POTEM: variants seen among roughly 807,000 people sequenced by gnomAD.
POTEM encodes the protein POTE ankyrin domain family member M.
For synonymous variants in POTEM, 8 were observed against 113.2 expected (o/e 0.07, Z 5.90); for missense variants, 24 against 343.0 (o/e 0.07, Z 7.35).
intron 1 of POTEM, among the ~76,000 whole-genome samples, chr14:18,968,259 C>T (rs71223944): frequency 0.074 from 8,272 of 112,472 alleles, no homozygotes; most frequent in Non-Finnish European, 0.087. Flanking sequence ...AGTGATTTAA[C>T]TCGCAACATT....
rs1258637830 is a variant in POTEM, at chr14:18,985,475, G to GC, written c.1193dup (p.Glu399ArgfsTer11). On this transcript the variant is annotated frameshift_variant, in exon 7 of 11. Transcript: ENST00000547889. LOFTEE classifies it high-confidence loss of function. ...GGCTTAAAGGAAGTGAAAATAGCCA[G>GC]CCAGAGGCATGGAAACTCTTAAATT... 1 of 1,326,668 alleles carries GC rather than the reference G, an allele frequency of 7.5e-7. No individual in the cohort carries two copies. The highest frequency in any genetic ancestry group is 2.1e-5 in the African/African-American group (1 of 48,656). 82.2% of individuals were successfully genotyped at this position (1,326,668 alleles called of 1,614,324 possible). A position where few individuals can be genotyped will look rare whatever the true frequency, so the allele number is the denominator to read the frequency against.
chr14:18,968,302 T>C (rs1349492121), intron 1 of POTEM, among the ~76,000 whole-genome samples: 6 of 152,252 alleles, frequency 3.9e-5, no homozygotes, highest in Non-Finnish European at 4.4e-5. Context: ...AATGTACAGA[T>C]TTTAAAACAA....
At chr14:18,968,996 GTTAT>G (rs1399748831) in intron 1 of POTEM, among the ~76,000 whole-genome samples, 2 of 150,462 alleles carry the variant, frequency 1.3e-5, no homozygotes, top group Admixed American at 6.6e-5. Flanking sequence ...AAATGTGCAT[GTTAT>G]TTATTTCCAC....
At chr14:18,986,166 C>G in intron 7 of POTEM, among the ~76,000 whole-genome samples, 1 of 144,498 alleles carries the variant, frequency 6.9e-6, no homozygotes, top group Middle Eastern at 3.4e-3. Context: ...TTTACAACAC[C>G]CTAACATGAT....
rs1210890735 is a variant in POTEM, at chr14:19,000,443, TGATCA to T, written c.*1780_*1784del. 5.0e-5 allele frequency among the ~76,000 whole-genome samples: 7 copies of T among 141,250 alleles called. No homozygotes were observed. The highest frequency in any genetic ancestry group is 4.2e-4 in the Admixed American group (6 of 14,378). The allele number at this position is 141,250 out of a possible 152,430, so 92.7% of individuals were successfully genotyped here. Reference sequence around the variant, plus strand: ...CTTTTTAATTTTGTTTTATTTAGAATGATCAGCCTTCGCGGCCCCCCTTTTTTGTA... The same window carrying T: ...CTTTTTAATTTTGTTTTATTTAGAATGCCTTCGCGGCCCCCCTTTTTTGTA... On this transcript the variant is annotated 3_prime_UTR_variant, in exon 11 of 11. Coordinates refer to ENST00000547889, the MANE Select transcript of POTEM (RefSeq NM_001145442.1).
intron 1 of POTEM, among the ~76,000 whole-genome samples, chr14:18,969,798 A>G (rs1189817785): frequency 3.5e-3 from 7 of 1,992 alleles, no homozygotes; most frequent in African/African-American, 0.026. Context: ...AGGAATTTAA[A>G]TTAGAAGAGG....
intron 9 of POTEM, among the ~76,000 whole-genome samples, chr14:18,994,747 A>C: frequency 1.7e-5 from 1 of 59,010 alleles, no homozygotes; most frequent in Non-Finnish European, 3.4e-5. Flanking sequence ...TTCTTTGAGA[A>C]CTCTCCATAC....
chr14:18,967,975 A>G lies in POTEM; in HGVS notation c.490A>G (p.Thr164Ala), dbSNP rs781586597. 6.8e-7 allele frequency: 1 copy of G among 1,459,928 alleles called. No individual in the cohort carries two copies. Among genetic ancestry groups the G allele is most frequent in the Non-Finnish European group, 9.5e-7 (1 of 1,052,796 alleles). 90.4% of individuals were successfully genotyped at this position (1,459,928 alleles called of 1,614,324 possible). The change falls in exon 1 of 11, where the codon ACT (threonine) becomes GCT (alanine). Residue 164 changes from threonine (T) to alanine (A), a missense_variant. Thr to Ala is a moderately conservative substitution (Grantham distance 58, BLOSUM62 0). Coordinates refer to ENST00000547889, the MANE Select transcript of POTEM (RefSeq NM_001145442.1). ...RKDLIVMLKD[T>A]DMNKKDKQKR... is the part of the protein sequence containing the mutation. ...GGATCTCATCGTCATGCTCAAGGAC[A>G]CTGACATGAACAAGAAGGACAAGCA...
chr14:18,969,241 A>G (rs1407770760), intron 1 of POTEM, among the ~76,000 whole-genome samples: 4 of 133,672 alleles, frequency 3.0e-5, no homozygotes, highest in Non-Finnish European at 3.1e-5. Flanking sequence ...GAAACATACC[A>G]GAAGAAAACA....
At chr14:18,991,207 A>G (rs1891242966) in intron 9 of POTEM, among the ~76,000 whole-genome samples, 1 of 120,526 alleles carries the variant, frequency 8.3e-6, no homozygotes, top group South Asian at 2.6e-4. Flanking sequence ...TCTACTGTAT[A>G]TATGCTAGTG....
chr14:18,967,641 T>G lies in POTEM; in HGVS notation c.156T>G (p.Ser52=), dbSNP rs751786167. 1 of 1,283,154 alleles carries G rather than the reference T, an allele frequency of 7.8e-7. No individual in the cohort carries two copies. The highest frequency in any genetic ancestry group is 2.8e-5 in the East Asian group (1 of 35,744). 79.5% of individuals were successfully genotyped at this position (1,283,154 alleles called of 1,614,324 possible). Residue 52 remains serine (S), a synonymous_variant, in exon 1 of 11, where the codon TCT becomes TCG. Coordinates refer to ENST00000547889, the MANE Select transcript of POTEM (RefSeq NM_001145442.1). ...GCACTTCTGGAGACCACGATGATTC[T>G]GCTATGAAGACACTCAGGAGCAAGA... ...NVGTSGDHDD[S]AMKTLRSKMG...
chr14:18,969,306 CGTATATATATGTAT>C (rs1890844537), intron 1 of POTEM, among the ~76,000 whole-genome samples: 1 of 45,592 alleles, frequency 2.2e-5, no homozygotes, highest in African/African-American at 1.0e-4. Context: ...TATGTATATA[CGTATATATATGTAT>C]ATATATATAT....
At chr14:18,985,868 C>T (rs147552923) in intron 7 of POTEM, among the ~76,000 whole-genome samples, 4,158 of 111,160 alleles carry the variant, frequency 0.037, 1 homozygote, top group Middle Eastern at 0.057. Flanking sequence ...TCTGCCACTA[C>T]GCTCCAGCCT....
intron 6 of POTEM, among the ~76,000 whole-genome samples, chr14:18,982,797 A>T (rs1165992747): frequency 1.5e-4 from 6 of 40,734 alleles, no homozygotes; most frequent in East Asian, 4.3e-4. Context: ...TGTTTAGCTT[A>T]ATTTTTTTCC....
rs201392796 is a variant in POTEM, at chr14:18,969,357, GTATA to G, written c.521+1370_521+1373del. On this transcript the variant is annotated intron_variant, in intron 1 of 10. Coordinates refer to ENST00000547889, the MANE Select transcript of POTEM (RefSeq NM_001145442.1). ...TACGTATATACATATATATACATGT[GTATA>G]TATATATATATATATATACACAAAA... Among the ~76,000 whole-genome samples the G allele has an allele frequency of 5.6e-3, 589 of 105,334 alleles. 14 individuals carry two copies. Among genetic ancestry groups the G allele is most frequent in the African/African-American group, 0.022 (514 of 23,272 alleles). The allele number at this position is 105,334 out of a possible 152,430, so 69.1% of individuals were successfully genotyped here.
chr14:18,985,906 A>G (rs112143147), intron 7 of POTEM, among the ~76,000 whole-genome samples: 14 of 17,914 alleles, frequency 7.8e-4, no homozygotes, highest in African/African-American at 2.4e-3. Flanking sequence ...TCTGTGTCAA[A>G]AAAAAAAAAA....
chr14:18,980,308 A>AT, intron 6 of POTEM, 164 bp downstream of exon 6: 2 of 421,402 alleles, frequency 4.7e-6, no homozygotes, highest in East Asian at 7.8e-5. Context: ...TTATATTATT[A>AT]TTACATTGTA....
In POTEM at chr14:18,967,674, GTGGTGCCGCCACTGCTTCCCC is replaced by G. The variant is rs1890787586; in HGVS notation, c.196_216del (p.His67_Arg73del). ...AGACACTCAGGAGCAAGATGGGCAAGTGGTGCCGCCACTGCTTCCCCTGGTGCAGGGGGAGCGGCAAGAGCA... is the reference window on the plus strand; with the variant it reads ...AGACACTCAGGAGCAAGATGGGCAAGTGGTGCAGGGGGAGCGGCAAGAGCA... On this transcript the variant is annotated inframe_deletion, in exon 1 of 11. Coordinates refer to ENST00000547889, the MANE Select transcript of POTEM (RefSeq NM_001145442.1). 6.2e-7 allele frequency: 1 copy of G among 1,603,998 alleles called. No homozygotes were observed. The highest frequency in any genetic ancestry group is 2.3e-5 in the East Asian group (1 of 44,418).
Position 19,000,574 on chromosome 14 carries a change from GC to G in POTEM, c.*1910del, listed in dbSNP as rs1360801277. On this transcript the variant is annotated 3_prime_UTR_variant, in exon 11 of 11. Coordinates refer to ENST00000547889, the MANE Select transcript of POTEM (RefSeq NM_001145442.1). ...GACTTAAGGAGAGTTGGAAAAAAGTGCACACCTTAAAAAAAATTCAATGAGG... is the reference window on the plus strand; with the variant it reads ...GACTTAAGGAGAGTTGGAAAAAAGTGACACCTTAAAAAAAATTCAATGAGG... Among the ~76,000 whole-genome samples, 2 of 84,662 alleles carry G rather than the reference GC, an allele frequency of 2.4e-5. No homozygotes were observed. The highest frequency in any genetic ancestry group is 4.2e-5 in the Non-Finnish European group (2 of 47,822). 55.5% of individuals were successfully genotyped at this position (84,662 alleles called of 152,430 possible).
Sources: allele counts gnomAD v4.1 joint callset (sites outside exome capture counted in the v4.1 genomes callset), GRCh38; gene constraint gnomAD v4.1.1; transcripts MANE v1.5; gene names NCBI Gene and HGNC (gene_info 2026-07-23, HGNC 2026-07-21).